Variants in TMEM50B observed in about 807,000 individuals in gnomAD.
TMEM50B encodes transmembrane protein 50B.
Under a neutral mutation model 23.4 loss-of-function variants are expected in TMEM50B, and 14 were observed. The observed-to-expected ratio is 0.60, with a 90% CI of 0.39 to 0.93. The LOEUF is 0.93. Ranked by LOEUF, TMEM50B falls within the 40% of genes least tolerant of loss-of-function variation. The pLI is 0.00. For missense variants in TMEM50B, 159 were observed against 193.0 expected (o/e 0.82, Z 1.04); for synonymous variants, 64 against 62.3 (o/e 1.03, Z -0.13).
At chr21:33,442,647 G>A (rs541857659) in intron 7 of TMEM50B, among the ~76,000 whole-genome samples, 92 of 152,184 alleles carry the variant, frequency 6.0e-4, no homozygotes, top group African/African-American at 1.5e-3. Context: ...GTGGCCAGGC[G>A]CGCTGGCTCA....
At chr21:33,432,601 T>C (rs1465088486) in exon 9 of TMEM50B, 3 of 1,201,228 alleles carry the variant, frequency 2.5e-6, no homozygotes, top group African/African-American at 1.5e-5. Context: ...TAGAGGGACT[T>C]GCCCATTTTA....
chr21:33,442,396 G>A (rs2084016048), intron 7 of TMEM50B, among the ~76,000 whole-genome samples: 3 of 152,166 alleles, frequency 2.0e-5, no homozygotes, highest in Non-Finnish European at 4.4e-5. Flanking sequence ...CTTGGGACCT[G>A]GGGCCTCAGA....
At chr21:33,473,457 G>GAAA (rs35814774) in intron 1 of TMEM50B, among the ~76,000 whole-genome samples, 14 of 84,808 alleles carry the variant, frequency 1.7e-4, no homozygotes, top group South Asian at 7.8e-4. Flanking sequence ...TGTCTCGGAA[G>GAAA]AAAAAAAAAA....
At chr21:33,434,070 T>C (rs537286409) in intron 8 of TMEM50B, among the ~76,000 whole-genome samples, 5 of 152,232 alleles carry the variant, frequency 3.3e-5, no homozygotes, top group African/African-American at 1.2e-4. Context: ...TGCTAATATT[T>C]GAAAGGACTT....
chr21:33,472,875 TC>T (rs933668666), intron 1 of TMEM50B, among the ~76,000 whole-genome samples: 17 of 146,060 alleles, frequency 1.2e-4, no homozygotes, highest in Non-Finnish European at 3.0e-5. Flanking sequence ...AAACTCCATC[TC>T]AAAAAAAAAA....
intron 7 of TMEM50B, among the ~76,000 whole-genome samples, chr21:33,439,475 G>C (rs2083989440): frequency 6.6e-6 from 1 of 152,002 alleles, no homozygotes; most frequent in Non-Finnish European, 1.5e-5. Context: ...TGCCTTCCGG[G>C]TTCAAGCGAT....
intron 7 of TMEM50B, among the ~76,000 whole-genome samples, chr21:33,439,599 C>A (rs1336845638): frequency 6.6e-6 from 1 of 151,814 alleles, no homozygotes; most frequent in Non-Finnish European, 1.5e-5. Context: ...AGGCTGGTCT[C>A]AAACTCCTGA....
At chr21:33,444,654 C>T (rs922139808), downstream of TMEM50B, among the ~76,000 whole-genome samples, 33 of 151,774 alleles carry the variant, frequency 2.2e-4, no homozygotes, top group African/African-American at 7.5e-4. Context: ...TGTTGGAGCA[C>T]AGACCTGTAC....
At chr21:33,434,201 A>C (rs932795217) in intron 8 of TMEM50B, among the ~76,000 whole-genome samples, 3 of 152,156 alleles carry the variant, frequency 2.0e-5, no homozygotes, top group Admixed American at 1.3e-4. Context: ...TTTGGGGATC[A>C]GAGGCGAGCT....
rs781746555 is a variant in TMEM50B at position 33,460,433 on chromosome 21, A to G, written c.353T>C (p.Phe118Ser). ...GSLIASMWIL[F>S]GAYVTQNTDV... Reference sequence around the variant, plus strand: ...CTTACTTTGGGTAACATATGCACCAAAAAGAATCCACATGGAAGCAATAAG... The same window carrying G: ...CTTACTTTGGGTAACATATGCACCAGAAAGAATCCACATGGAAGCAATAAG... The change falls in exon 5 of 7, where the codon TTT becomes TCT. Residue 118 changes from phenylalanine to serine, a missense_variant. Coordinates refer to ENST00000542230, the MANE Select transcript of TMEM50B (RefSeq NM_006134.7). The G allele has an allele frequency of 3.3e-5, 53 of 1,608,948 alleles. No homozygotes were observed. The highest frequency in any genetic ancestry group is 4.4e-5 in the Non-Finnish European group (52 of 1,177,584).
At chr21:33,458,932 A>G (rs1027108185) in intron 5 of TMEM50B, among the ~76,000 whole-genome samples, 2 of 152,238 alleles carry the variant, frequency 1.3e-5, no homozygotes, top group Non-Finnish European at 2.9e-5. Flanking sequence ...GTGAAAGACA[A>G]AAGAAAAACA....
intron 6 of TMEM50B, among the ~76,000 whole-genome samples, chr21:33,452,822 A>G (rs1455552284): frequency 2.6e-5 from 4 of 152,226 alleles, no homozygotes; most frequent in African/African-American, 9.6e-5. Context: ...AAGCAGAAAA[A>G]ATCAGTAGAA....
At chr21:33,462,846 T>G (rs1022645573) in intron 4 of TMEM50B, among the ~76,000 whole-genome samples, 4 of 152,224 alleles carry the variant, frequency 2.6e-5, no homozygotes, top group Non-Finnish European at 4.4e-5. Flanking sequence ...ATACAGGATA[T>G]GATGAAAAGT....
At chr21:33,435,451 CAATCAGAA>C (rs1355878034) in intron 8 of TMEM50B, among the ~76,000 whole-genome samples, 1 of 152,064 alleles carries the variant, frequency 6.6e-6, no homozygotes, top group Non-Finnish European at 1.5e-5. Context: ...GCTTTTCTTC[CAATCAGAA>C]AATCAGAAGA....
chr21:33,441,890 T>TA (rs965833458), intron 7 of TMEM50B, among the ~76,000 whole-genome samples: 3 of 152,154 alleles, frequency 2.0e-5, no homozygotes, highest in African/African-American at 7.2e-5. Flanking sequence ...CTCAACCTTC[T>TA]AAAATGCTGG....
intron 4 of TMEM50B, among the ~76,000 whole-genome samples, chr21:33,464,256 G>C (rs2084243669): frequency 2.0e-5 from 3 of 149,012 alleles, no homozygotes; most frequent in Non-Finnish European, 4.4e-5. Context: ...GGAGTCCAAT[G>C]AGGTGATCTC....
Position 33,452,475 on chromosome 21 carries a change from A to AG in TMEM50B, c.432-1613dup, listed in dbSNP as rs1389729356. ...AGAACCACTGGAAAGAACATGTCCC[A>AG]GAGCTACCACAAGGCTGGAAGAGAG... On this transcript the variant is annotated intron_variant, in intron 6 of 6. Coordinates refer to ENST00000542230, the MANE Select transcript of TMEM50B (RefSeq NM_006134.7). 9.8e-5 allele frequency among the ~76,000 whole-genome samples: 15 copies of AG among 152,336 alleles called. No homozygotes were observed. In the East Asian group the frequency reaches 2.5e-3, roughly 25 times the overall value.
intron 5 of TMEM50B, among the ~76,000 whole-genome samples, chr21:33,459,600 G>A (rs972585117): frequency 1.7e-4 from 25 of 150,248 alleles, no homozygotes; most frequent in African/African-American, 5.4e-4. Context: ...CCTGTGAGGC[G>A]GAGGTTGCAG....
Position 33,450,321 on chromosome 21 carries a change from CT to C in TMEM50B, c.*496del, listed in dbSNP as rs1054603140. ...CAAGCGATTCTCCTGCCTCAGCCTCCTAGGTAGTTGGGATTACAGGCACCCA... is the reference window on the plus strand; with the variant it reads ...CAAGCGATTCTCCTGCCTCAGCCTCCAGGTAGTTGGGATTACAGGCACCCA... On this transcript the variant is annotated 3_prime_UTR_variant, in exon 7 of 7. Coordinates refer to ENST00000542230, the MANE Select transcript of TMEM50B (RefSeq NM_006134.7). The C allele has an allele frequency of 7.2e-5, 11 of 152,516 alleles. No homozygotes were observed. Among genetic ancestry groups the C allele is most frequent in the African/African-American group, 2.6e-4 (11 of 41,574 alleles). The allele number at this position is 152,516 out of a possible 1,614,324, so 9.4% of individuals were successfully genotyped here.
Sources: allele counts gnomAD v4.1 joint callset (sites outside exome capture counted in the v4.1 genomes callset), GRCh38; gene constraint gnomAD v4.1.1; transcripts MANE v1.5; gene names NCBI Gene and HGNC (gene_info 2026-07-23, HGNC 2026-07-21).